ADAMTSL1: variants seen among roughly 807,000 people sequenced by gnomAD.
The protein encoded by ADAMTSL1 is ADAMTS-like protein 1.
Under a neutral mutation model 201.8 loss-of-function variants are expected in ADAMTSL1, and 126 were observed. That is an observed-to-expected ratio of 0.62 (90% CI 0.54 to 0.72). The LOEUF (loss-of-function observed/expected upper bound fraction) is 0.72. ADAMTSL1 is among the 30% of genes least tolerant of loss of function. ADAMTSL1 has a pLI of 0.00. For synonymous variants in ADAMTSL1, 1,121 were observed against 903.4 expected, an observed-to-expected ratio of 1.24 and a Z score of -4.32; for missense variants, 2,679 against 2,277.8, an observed-to-expected ratio of 1.18 and a Z score of -3.59.
At chr9:17,945,817 G>C (rs1827442075) in intron 1 of ADAMTSL1, among the ~76,000 whole-genome samples, 1 of 115,364 alleles carries the variant, frequency 8.7e-6, no homozygotes, top group Admixed American at 1.1e-4. Flanking sequence ...GGACTGTTGT[G>C]GGGTGGGGGG....
intron 14 of ADAMTSL1, among the ~76,000 whole-genome samples, chr9:18,712,642 C>T (rs13290564): frequency 0.52 from 76,081 of 146,392 alleles, 19,970 homozygotes; most frequent in South Asian, 0.64. Flanking sequence ...CTGAAAGTGA[C>T]GGGGAGAATG....
chr9:17,959,264 A>G (rs1230970417), intron 1 of ADAMTSL1, among the ~76,000 whole-genome samples: 3 of 152,112 alleles, frequency 2.0e-5, no homozygotes, highest in Non-Finnish European at 4.4e-5. Context: ...GTCATGTAAT[A>G]TGACTTACTG....
rs563470348 is a variant in ADAMTSL1, at chr9:18,753,480, C to A, written c.2189C>A (p.Pro730Gln). 1.9e-6 allele frequency: 3 copies of A among 1,612,900 alleles called. No individual in the cohort carries two copies. The highest frequency in any genetic ancestry group is 1.7e-4 in the Middle Eastern group (1 of 5,940). ...VQACNRFNCP[P>Q]AWYPAQWQPC... ...GCTTGTAACCGCTTTAATTGCCCCCCAGCCTGGTACCCTGCACAGTGGCAG... is the reference window on the plus strand; with the variant it reads ...GCTTGTAACCGCTTTAATTGCCCCCAAGCCTGGTACCCTGCACAGTGGCAG... The change falls in exon 16 of 29, where the codon CCA becomes CAA. Residue 730 changes from proline (P) to glutamine (Q), a missense_variant. Physicochemically the swap from Pro to Gln is moderately conservative, Grantham distance 76 (BLOSUM62 -1). Transcript: ENST00000380548.
intron 2 of ADAMTSL1, among the ~76,000 whole-genome samples, chr9:18,173,999 G>A (rs1462056385): frequency 6.6e-6 from 1 of 152,086 alleles, no homozygotes; most frequent in Admixed American, 6.6e-5. Context: ...ACTCTGAAAC[G>A]AATGATGAAT....
intron 13 of ADAMTSL1, among the ~76,000 whole-genome samples, chr9:18,703,695 CACAT>C: frequency 2.3e-5 from 1 of 42,658 alleles, no homozygotes; most frequent in Non-Finnish European, 5.2e-5. Context: ...CGTGCATGCG[CACAT>C]ACATATATAT....
At chr9:17,977,693 C>A (rs1446044506) in intron 1 of ADAMTSL1, among the ~76,000 whole-genome samples, 1 of 151,500 alleles carries the variant, frequency 6.6e-6, no homozygotes, top group African/African-American at 2.4e-5. Context: ...CTCTTTTTTT[C>A]TTAGTCTACC....
intron 2 of ADAMTSL1, among the ~76,000 whole-genome samples, chr9:18,515,841 G>T (rs1027260008): frequency 6.6e-5 from 10 of 152,062 alleles, no homozygotes; most frequent in African/African-American, 2.2e-4. Flanking sequence ...AATGAACTAA[G>T]TGATTTCTAA....
At chr9:18,013,019 C>A (rs1820118467) in intron 1 of ADAMTSL1, among the ~76,000 whole-genome samples, 1 of 151,024 alleles carries the variant, frequency 6.6e-6, no homozygotes, top group Admixed American at 6.6e-5. Flanking sequence ...GCACATATTA[C>A]TTTTTAATTT....
intron 1 of ADAMTSL1, among the ~76,000 whole-genome samples, chr9:17,965,541 T>C (rs936243301): frequency 1.3e-5 from 2 of 152,206 alleles, no homozygotes; most frequent in African/African-American, 4.8e-5. Flanking sequence ...CGCTTATTAT[T>C]TTAACTTTAT....
intron 1 of ADAMTSL1, among the ~76,000 whole-genome samples, chr9:18,060,908 T>G (rs957217549): frequency 2.6e-5 from 4 of 152,186 alleles, no homozygotes; most frequent in Non-Finnish European, 5.9e-5. Context: ...TTTAAAAACT[T>G]CTCCTTATTT....
chr9:18,898,681 T>G (rs928179178), intron 26 of ADAMTSL1, among the ~76,000 whole-genome samples: 6 of 152,100 alleles, frequency 3.9e-5, no homozygotes, highest in Admixed American at 1.3e-4. Context: ...ATTCCTCACA[T>G]AAGAAGAACT....
chr9:18,129,001 A>G (rs955324759), intron 1 of ADAMTSL1, among the ~76,000 whole-genome samples: 1 of 152,218 alleles, frequency 6.6e-6, no homozygotes, highest in South Asian at 2.1e-4. Context: ...ACAGACTGTA[A>G]TACATTAAAA....
intron 1 of ADAMTSL1, among the ~76,000 whole-genome samples, chr9:18,497,639 A>G (rs1453843890): frequency 6.6e-6 from 1 of 152,238 alleles, no homozygotes; most frequent in Non-Finnish European, 1.5e-5. Context: ...GAAACTGAGA[A>G]TGATCAAATA....
chr9:18,109,701 A>G (rs1215442816), intron 1 of ADAMTSL1, among the ~76,000 whole-genome samples: 1 of 152,162 alleles, frequency 6.6e-6, no homozygotes, highest in Non-Finnish European at 1.5e-5. Context: ...CCCCTTTACC[A>G]AAATCTTGTA....
chr9:18,826,930 T>C (rs1354452365), intron 22 of ADAMTSL1, among the ~76,000 whole-genome samples: 2 of 152,194 alleles, frequency 1.3e-5, no homozygotes, highest in African/African-American at 4.8e-5. Context: ...GTCTGGTCCA[T>C]CTAAAGTCTC....
At chr9:18,196,101 G>A (rs1360830576) in intron 2 of ADAMTSL1, among the ~76,000 whole-genome samples, 1 of 151,998 alleles carries the variant, frequency 6.6e-6, no homozygotes, top group Non-Finnish European at 1.5e-5. Flanking sequence ...TTCATTCCAG[G>A]GACGTTGCCA....
At chr9:18,586,843 G>A (rs1402626813) in intron 4 of ADAMTSL1, among the ~76,000 whole-genome samples, 1 of 152,032 alleles carries the variant, frequency 6.6e-6, no homozygotes, top group Non-Finnish European at 1.5e-5. Context: ...CAACCAATGA[G>A]GAAAGGACTC....
chr9:18,046,322 A>G (rs1186028091), intron 1 of ADAMTSL1, among the ~76,000 whole-genome samples: 1 of 152,168 alleles, frequency 6.6e-6, no homozygotes, highest in African/African-American at 2.4e-5. Context: ...TTGGTCTGCC[A>G]CCTTTAATGC....
intron 3 of ADAMTSL1, among the ~76,000 whole-genome samples, chr9:18,547,268 C>G (rs937478771): frequency 1.3e-5 from 2 of 152,022 alleles, no homozygotes; most frequent in Admixed American, 6.6e-5. Flanking sequence ...AACAGAAGAG[C>G]TCAGAGGACA....
Sources: gnomAD v4.1 joint callset for allele counts (sites outside exome capture counted in the v4.1 genomes callset) on GRCh38, gnomAD v4.1.1 for gene constraint, MANE v1.5 for transcripts, NCBI Gene and HGNC (gene_info 2026-07-23, HGNC 2026-07-21) for gene names.